The following PTCD1 variants were observed in gnomAD, a reference collection of about 807,000 sequenced individuals.
PTCD1 encodes the protein pentatricopeptide repeat-containing protein 1, mitochondrial.
PTCD1 carries 50 observed loss-of-function variants against 53.4 expected under a neutral mutation model. The observed-to-expected ratio is 0.94, with a 90% CI of 0.75 to 1.19. The LOEUF (loss-of-function observed/expected upper bound fraction) is 1.19. Ranked by LOEUF, PTCD1 falls within the 50% of genes most tolerant of loss-of-function variation. PTCD1 has a pLI of 0.00. For synonymous variants in PTCD1, 413 were observed against 394.8 expected (o/e 1.05, Z -0.55); for missense variants, 918 against 904.8 (o/e 1.01, Z -0.19).
intron 5 of PTCD1, among the ~76,000 whole-genome samples, chr7:99,427,058 G>A (rs1388383893): frequency 2.0e-5 from 3 of 151,706 alleles, no homozygotes; most frequent in South Asian, 2.1e-4. Flanking sequence ...GTCTCCGCCC[G>A]GCAGCCACCC....
intron 5 of PTCD1, among the ~76,000 whole-genome samples, chr7:99,425,821 C>T (rs1795991714): frequency 6.6e-6 from 1 of 152,206 alleles, no homozygotes; most frequent in Non-Finnish European, 1.5e-5. Flanking sequence ...AATCCCAACA[C>T]TTTAGGAAGC....
In PTCD1 at chr7:99,429,684, C is replaced by T; in HGVS notation, c.717G>A (p.Gln239=). The change falls in exon 4 of 8, where the codon CAG becomes CAA. Residue 239 remains glutamine (Q), a synonymous_variant. Coordinates refer to ENST00000292478, the MANE Select transcript of PTCD1 (RefSeq NM_015545.4). The part of the protein sequence containing the change: ...QSALKLRQQL[Q]AKNFELNLKT... ...TCAAGTTGAGCTCGAAGTTTTTGGC[C>T]TGCAGCTGCTGCCGGAGCTTCAGGG... The T allele has an allele frequency of 1.2e-6, 2 of 1,614,240 alleles. No individual in the cohort carries two copies. The highest frequency in any genetic ancestry group is 1.6e-4 in the Middle Eastern group (1 of 6,062).
At chr7:99,421,126 C>T (rs1038346081) in intron 7 of PTCD1, among the ~76,000 whole-genome samples, 1 of 152,114 alleles carries the variant, frequency 6.6e-6, no homozygotes, top group East Asian at 1.9e-4. Flanking sequence ...GTTCCGCCCC[C>T]CAAAAACCCA....
At chr7:99,420,215 C>T (rs1400452011) in intron 7 of PTCD1, 66 bp from the exon 8 acceptor site, 4 of 1,607,438 alleles carry the variant, frequency 2.5e-6, no homozygotes, top group East Asian at 2.2e-5. Flanking sequence ...ACCTCGGCAG[C>T]TGGCTCAGGC....
In PTCD1 at chr7:99,428,827, G is replaced by A. The variant is rs192981414; in HGVS notation, c.915+276C>T. 1.4e-3 allele frequency among the ~76,000 whole-genome samples: 217 copies of A among 150,302 alleles called. 1 individual carries two copies. Among genetic ancestry groups the A allele is most frequent in the Middle Eastern group, 6.8e-3 (2 of 292 alleles). Reference sequence around the variant, plus strand: ...GGGAGGGTTGAACAAGTCCCCAGGTGAGTGTGTGGCAGGCTTTCAAGGAAG... The same window carrying A: ...GGGAGGGTTGAACAAGTCCCCAGGTAAGTGTGTGGCAGGCTTTCAAGGAAG... On this transcript the variant is annotated intron_variant, in intron 5 of 7. Coordinates refer to ENST00000292478, the MANE Select transcript of PTCD1 (RefSeq NM_015545.4).
chr7:99,422,749 T>G (rs931043140), intron 7 of PTCD1, among the ~76,000 whole-genome samples: 1 of 152,172 alleles, frequency 6.6e-6, no homozygotes, highest in African/African-American at 2.4e-5. Flanking sequence ...CATCTTCCCT[T>G]CTTTGTTGCC....
chr7:99,435,920 G>A (rs1584469534), intron 1 of PTCD1, among the ~76,000 whole-genome samples: 1 of 147,848 alleles, frequency 6.8e-6, no homozygotes, highest in East Asian at 2.0e-4. Context: ...GAGTGACAGT[G>A]AGACTCTGTC....
intron 1 of PTCD1, 182 bp downstream of exon 1, chr7:99,438,510 C>G (rs1261918877): frequency 1.3e-5 from 14 of 1,114,846 alleles, no homozygotes; most frequent in Non-Finnish European, 1.5e-5. Context: ...GAGACCCGCC[C>G]CTCCTCAGAG....
intron 3 of PTCD1, among the ~76,000 whole-genome samples, chr7:99,431,752 G>A (rs1796260863): frequency 6.6e-6 from 1 of 152,114 alleles, no homozygotes; most frequent in South Asian, 2.1e-4. Flanking sequence ...AAAAAAAAAG[G>A]ACTGTAGGAA....
At chr7:99,420,915 C>A (rs1385684614) in intron 7 of PTCD1, among the ~76,000 whole-genome samples, 1 of 152,038 alleles carries the variant, frequency 6.6e-6, no homozygotes, top group African/African-American at 2.4e-5. Flanking sequence ...CCATTGCACT[C>A]CAGCCTGGGC....
chr7:99,437,194 T>A (rs1367272860), intron 1 of PTCD1, among the ~76,000 whole-genome samples: 1 of 152,104 alleles, frequency 6.6e-6, no homozygotes, highest in Non-Finnish European at 1.5e-5. Context: ...ATACACAGAA[T>A]TACAAAACAA....
intron 7 of PTCD1, among the ~76,000 whole-genome samples, chr7:99,422,918 C>T (rs1331854089): frequency 6.6e-6 from 1 of 152,112 alleles, no homozygotes; most frequent in Non-Finnish European, 1.5e-5. Context: ...CCTCCCCAAG[C>T]TCATCTACAA....
At chr7:99,426,989 C>T (rs578008975) in intron 5 of PTCD1, among the ~76,000 whole-genome samples, 14 of 151,814 alleles carry the variant, frequency 9.2e-5, no homozygotes, top group African/African-American at 3.4e-4. Flanking sequence ...GCAGCCGCCC[C>T]GTCTGAGAAG....
rs1795669767 is a variant in PTCD1, at chr7:99,419,028, C to T, written c.*939G>A. Reference sequence around the variant, plus strand: ...ACCAGAGTGTACCAGCCCAGAGGCCCCCCTGAAGTCCCCAAACAGTAGCAG... The same window carrying T: ...ACCAGAGTGTACCAGCCCAGAGGCCTCCCTGAAGTCCCCAAACAGTAGCAG... On this transcript the variant is annotated 3_prime_UTR_variant, in exon 8 of 8. Transcript: ENST00000292478. 3.6e-6 allele frequency: 1 copy of T among 279,010 alleles called. No homozygotes were observed. The highest frequency in any genetic ancestry group is 7.0e-6 in the Non-Finnish European group (1 of 142,792). The allele number at this position is 279,010 out of a possible 1,614,324, so 17.3% of individuals were successfully genotyped here. A position where few individuals can be genotyped will look rare whatever the true frequency, so the allele number is the denominator to read the frequency against.
chr7:99,419,676 C>CCAGG lies in PTCD1; in HGVS notation c.*287_*290dup. ...GGAACCCGGCGGGGCGGCCCAGGCC[C>CCAGG]CAGGGACCAGATGCCCCAGCCCCCT... On this transcript the variant is annotated 3_prime_UTR_variant, in exon 8 of 8. Transcript: ENST00000292478. The CCAGG allele has an allele frequency of 1.4e-6, 1 of 700,778 alleles. No individual in the cohort carries two copies. The highest frequency in any genetic ancestry group is 2.9e-5 in the Admixed American group (1 of 34,504). 43.4% of individuals were successfully genotyped at this position (700,778 alleles called of 1,614,324 possible). A position where few individuals can be genotyped will look rare whatever the true frequency, so the allele number is the denominator to read the frequency against.
At chr7:99,421,883 C>T (rs1302816920) in intron 7 of PTCD1, among the ~76,000 whole-genome samples, 1 of 152,178 alleles carries the variant, frequency 6.6e-6, no homozygotes, top group Non-Finnish European at 1.5e-5. Context: ...TACAGAGTTA[C>T]ATCCTGATAA....
chr7:99,427,831 G>A (rs1294264446), intron 5 of PTCD1, among the ~76,000 whole-genome samples: 2 of 151,766 alleles, frequency 1.3e-5, no homozygotes, highest in African/African-American at 4.9e-5. Flanking sequence ...TCTGAAACAT[G>A]TGCTGTGTCC....
intron 5 of PTCD1, among the ~76,000 whole-genome samples, chr7:99,428,449 A>C (rs1305276039): frequency 6.6e-6 from 1 of 151,858 alleles, no homozygotes; most frequent in African/African-American, 2.4e-5. Flanking sequence ...AAAAGAAAAA[A>C]AAAGCTCTCC....
intron 3 of PTCD1, among the ~76,000 whole-genome samples, chr7:99,430,420 A>G (rs1380321510): frequency 6.6e-6 from 1 of 152,220 alleles, no homozygotes; most frequent in Non-Finnish European, 1.5e-5. Context: ...AGCACTCGCT[A>G]TTGGCCAGAG....
Sources: allele counts gnomAD v4.1 joint callset (sites outside exome capture counted in the v4.1 genomes callset), GRCh38; gene constraint gnomAD v4.1.1; transcripts MANE v1.5; gene names NCBI Gene and HGNC (gene_info 2026-07-23, HGNC 2026-07-21).